BMPR1B: variants seen among roughly 807,000 people sequenced by gnomAD.
BMPR1B encodes the protein bone morphogenetic protein receptor type-1B.
In BMPR1B, 12 loss-of-function variants were observed where a neutral mutation model predicts 59.1. The ratio of observed to expected loss-of-function variants is 0.20; its 90% CI spans 0.13 to 0.33. The LOEUF is 0.33. BMPR1B is among the 10% of genes least tolerant of loss of function. The probability of loss-of-function intolerance (pLI) is 1.00; values close to 1 mark genes in which losing one functional copy is unlikely to be tolerated. For synonymous variants in BMPR1B, 237 were observed against 207.3 expected (o/e 1.14, Z -1.23); for missense variants, 550 against 610.9 (o/e 0.90, Z 1.05).
At chr4:95,059,916 C>G (rs1159516407) in intron 3 of BMPR1B, among the ~76,000 whole-genome samples, 1 of 152,116 alleles carries the variant, frequency 6.6e-6, no homozygotes, top group Non-Finnish European at 1.5e-5. Context: ...GGATCAGGTG[C>G]TTTTCTGCCT....
At chr4:94,776,043 A>G (rs1001290589) in intron 1 of BMPR1B, among the ~76,000 whole-genome samples, 7 of 150,294 alleles carry the variant, frequency 4.7e-5, no homozygotes, top group African/African-American at 1.7e-4. Flanking sequence ...GTGAGCTGAG[A>G]TGGTGCCACT....
At chr4:94,991,969 C>T (rs1187232036) in intron 2 of BMPR1B, among the ~76,000 whole-genome samples, 1 of 152,144 alleles carries the variant, frequency 6.6e-6, no homozygotes, top group Non-Finnish European at 1.5e-5. Context: ...TTTAAACGCC[C>T]ATTGAACATA....
At chr4:94,932,261 A>C (rs1180944444) in intron 2 of BMPR1B, among the ~76,000 whole-genome samples, 1 of 152,124 alleles carries the variant, frequency 6.6e-6, no homozygotes, top group African/African-American at 2.4e-5. Flanking sequence ...CTTTAATGTC[A>C]TGACAGTTGA....
intron 3 of BMPR1B, among the ~76,000 whole-genome samples, chr4:95,097,548 T>TC: frequency 6.6e-6 from 1 of 152,296 alleles, no homozygotes; most frequent in African/African-American, 2.4e-5. Context: ...TTTCTTTCTT[T>TC]TTTTTGTTGA....
At chr4:94,811,702 A>C (rs1328681222) in intron 1 of BMPR1B, among the ~76,000 whole-genome samples, 2 of 152,162 alleles carry the variant, frequency 1.3e-5, no homozygotes, top group Non-Finnish European at 2.9e-5. Flanking sequence ...CTTGGTCATG[A>C]CAACTTTCTC....
intron 1 of BMPR1B, among the ~76,000 whole-genome samples, chr4:94,860,023 C>T (rs771721801): frequency 2.0e-5 from 3 of 152,074 alleles, no homozygotes; most frequent in Non-Finnish European, 4.4e-5. Context: ...AGAAATTCTC[C>T]TTCCTCAGTG....
intron 4 of BMPR1B, among the ~76,000 whole-genome samples, chr4:95,110,360 T>C (rs1310654460): frequency 6.6e-6 from 1 of 151,952 alleles, no homozygotes; most frequent in East Asian, 1.9e-4. Flanking sequence ...AAATGCTAAA[T>C]CATTTGGCAA....
At chr4:95,109,339 T>G (rs1731441684) in intron 4 of BMPR1B, among the ~76,000 whole-genome samples, 1 of 152,082 alleles carries the variant, frequency 6.6e-6, no homozygotes, top group African/African-American at 2.4e-5. Flanking sequence ...TAGATAAGCC[T>G]CCAACTCTGT....
rs1402295334 is a variant in BMPR1B at position 95,130,160 on chromosome 4, ATTGAAGTTTTCTTC to A, written c.778+110_778+123del. ...TCTGTCTAGACCCGTTGCGAAATGT[ATTGAAGTTTTCTTC>A]TTGGCATGGGCCCAAGAACATCATA... On this transcript the variant is annotated intron_variant, in intron 9 of 12. Coordinates refer to ENST00000515059, the MANE Select transcript of BMPR1B (RefSeq NM_001203.3). 4.0e-5 allele frequency: 55 copies of A among 1,368,056 alleles called. No homozygotes were observed. The East Asian group carries it at 1.3e-3, about 33-fold the overall frequency. 84.7% of individuals were successfully genotyped at this position (1,368,056 alleles called of 1,614,324 possible). A position where few individuals can be genotyped will look rare whatever the true frequency, so the allele number is the denominator to read the frequency against.
intron 1 of BMPR1B, among the ~76,000 whole-genome samples, chr4:94,764,825 C>T (rs192903473): frequency 6.6e-6 from 1 of 152,208 alleles, no homozygotes; most frequent in East Asian, 1.9e-4. Context: ...TTTATAGATT[C>T]ACTGTTTAGG....
chr4:94,972,954 G>C (rs28548879), intron 2 of BMPR1B, among the ~76,000 whole-genome samples: 14,260 of 152,162 alleles, frequency 0.094, 1,453 homozygotes, highest in African/African-American at 0.26. Flanking sequence ...GCTGGAACCA[G>C]AGCGAGTGCT....
At chr4:95,041,376 T>C (rs960707149) in intron 3 of BMPR1B, among the ~76,000 whole-genome samples, 2 of 149,886 alleles carry the variant, frequency 1.3e-5, no homozygotes, top group Non-Finnish European at 2.9e-5. Flanking sequence ...ATAAACACTT[T>C]ACACGCTTTA....
chr4:94,826,740 C>A (rs1236756522), intron 1 of BMPR1B, among the ~76,000 whole-genome samples: 3 of 151,858 alleles, frequency 2.0e-5, no homozygotes, highest in Non-Finnish European at 4.4e-5. Flanking sequence ...ATTCTGCTTA[C>A]CCAAAAGGAA....
At chr4:94,823,992 C>T (rs1331777354) in intron 1 of BMPR1B, among the ~76,000 whole-genome samples, 5 of 152,148 alleles carry the variant, frequency 3.3e-5, no homozygotes, top group South Asian at 2.1e-4. Context: ...GCGATCCACC[C>T]GCCTTGGCCT....
At chr4:94,867,756 A>C (rs1269552781) in intron 1 of BMPR1B, among the ~76,000 whole-genome samples, 3 of 152,352 alleles carry the variant, frequency 2.0e-5, no homozygotes, top group Non-Finnish European at 4.4e-5. Context: ...AGTTTTCATA[A>C]CCTTCAAAAT....
chr4:94,894,460 G>A (rs1167155099), intron 2 of BMPR1B, among the ~76,000 whole-genome samples: 1 of 151,508 alleles, frequency 6.6e-6, no homozygotes, highest in Non-Finnish European at 1.5e-5. Flanking sequence ...GAGAGAGAGA[G>A]AAAGCGAGAA....
chr4:94,894,244 T>C (rs1727502784), intron 2 of BMPR1B, among the ~76,000 whole-genome samples: 2 of 152,054 alleles, frequency 1.3e-5, no homozygotes, highest in African/African-American at 4.8e-5. Flanking sequence ...ATGGTACTCA[T>C]TGTGTGTTGG....
At chr4:94,767,221 A>G (rs893761157) in intron 1 of BMPR1B, among the ~76,000 whole-genome samples, 9 of 152,246 alleles carry the variant, frequency 5.9e-5, no homozygotes, top group African/African-American at 2.2e-4. Context: ...ATTCCAAAAT[A>G]AATTTAGCTT....
intron 10 of BMPR1B, among the ~76,000 whole-genome samples, chr4:95,140,027 T>A (rs1734107115): frequency 6.6e-6 from 1 of 152,190 alleles, no homozygotes; most frequent in African/African-American, 2.4e-5. Flanking sequence ...TGGTGGGAGC[T>A]ATAGACTGGA....
Sources: gnomAD v4.1 joint callset for allele counts (sites outside exome capture counted in the v4.1 genomes callset) on GRCh38, gnomAD v4.1.1 for gene constraint, MANE v1.5 for transcripts, NCBI Gene and HGNC (gene_info 2026-07-23, HGNC 2026-07-21) for gene names.